Variants in CD86 observed in about 807,000 individuals in gnomAD.
The protein encoded by CD86 is T-lymphocyte activation antigen CD86.
In CD86, 11 loss-of-function variants were observed where a neutral mutation model predicts 32.1. The observed-to-expected ratio is 0.34, with a 90% CI of 0.22 to 0.57. The LOEUF (loss-of-function observed/expected upper bound fraction) is 0.57, where lower values mean the gene tolerates loss of function less well. Among genes scored for constraint, CD86 ranks in the 20% least tolerant of loss-of-function variants. The probability of loss-of-function intolerance (pLI) is 0.86; values close to 1 mark genes in which losing one functional copy is unlikely to be tolerated. For synonymous variants in CD86, 137 were observed against 135.3 expected (o/e 1.01, Z -0.09); for missense variants, 359 against 398.4 (o/e 0.90, Z 0.84).
Position 122,120,604 on chromosome 3 carries a change from T to C in CD86, c.*1070T>C, listed in dbSNP as rs2073329987. Reference sequence around the variant, plus strand: ...GATGTCATCTTCCTGGAAGCAGAGCTGGGGAGGGAGAGCCATCACCTTGAT... The same window carrying C: ...GATGTCATCTTCCTGGAAGCAGAGCCGGGGAGGGAGAGCCATCACCTTGAT... On this transcript the variant is annotated 3_prime_UTR_variant, in exon 7 of 7. Transcript: ENST00000330540. 1.3e-5 allele frequency: 2 copies of C among 152,158 alleles called. No individual in the cohort carries two copies. Among genetic ancestry groups the C allele is most frequent in the South Asian group, 4.1e-4 (2 of 4,828 alleles). The allele number at this position is 152,158 out of a possible 1,614,324, so 9.4% of individuals were successfully genotyped here.
chr3:122,087,507 C>T (rs2072743536), intron 1 of CD86, among the ~76,000 whole-genome samples: 1 of 152,158 alleles, frequency 6.6e-6, no homozygotes, highest in Non-Finnish European at 1.5e-5. Context: ...CCCTCGCACA[C>T]ACACATCACA....
Position 122,106,463 on chromosome 3 carries a change from T to G in CD86, c.666T>G (p.Thr222=), listed in dbSNP as rs761703906. 6.2e-7 allele frequency: 1 copy of G among 1,612,178 alleles called. No homozygotes were observed. Among genetic ancestry groups the G allele is most frequent in the Non-Finnish European group, 8.5e-7 (1 of 1,178,960 alleles). The change falls in exon 4 of 7, where the codon ACT becomes ACG. Residue 222 remains threonine, a synonymous_variant. Coordinates refer to ENST00000330540, the MANE Select transcript of CD86 (RefSeq NM_175862.5). ...TGACCATCTTCTGTATTCTGGAAACTGACAAGACGCGGCTTTTATCTTCAC... is the reference window on the plus strand; with the variant it reads ...TGACCATCTTCTGTATTCTGGAAACGGACAAGACGCGGCTTTTATCTTCAC... ...SNMTIFCILE[T]DKTRLLSSPF...
rs181113479 is a variant in CD86 at position 122,116,178 on chromosome 3, T to C, written c.848-1870T>C. ...TCATCAATATGGAAAACTTTTGTTC[T>C]TTGACTTTGTTTAAAAAACGAAAAG... On this transcript the variant is annotated intron_variant, in intron 5 of 6. Transcript: ENST00000330540. Among the ~76,000 whole-genome samples the C allele has an allele frequency of 3.1e-3, 479 of 152,352 alleles. 3 individuals carry two copies. Among genetic ancestry groups the C allele is most frequent in the Non-Finnish European group, 4.3e-3 (295 of 68,024 alleles).
intron 3 of CD86, among the ~76,000 whole-genome samples, chr3:122,104,292 T>C (rs2073056929): frequency 6.6e-6 from 1 of 152,166 alleles, no homozygotes; most frequent in Non-Finnish European, 1.5e-5. Flanking sequence ...CTGACACATT[T>C]GGGTTTTCCC....
intron 1 of CD86, chr3:122,077,972 G>T: frequency 1.0e-6 from 1 of 985,634 alleles, no homozygotes; most frequent in Non-Finnish European, 1.2e-6. Flanking sequence ...TTGCTTCTGT[G>T]TTCCTTGGGA....
intron 2 of CD86, among the ~76,000 whole-genome samples, chr3:122,102,525 C>T (rs1451864411): frequency 1.4e-5 from 2 of 145,388 alleles, no homozygotes; most frequent in African/African-American, 2.6e-5. Context: ...CCACATCCTT[C>T]CCACAAACCC....
At chr3:122,092,771 A>T (rs891355970) in intron 2 of CD86, among the ~76,000 whole-genome samples, 2 of 152,178 alleles carry the variant, frequency 1.3e-5, no homozygotes, top group Non-Finnish European at 2.9e-5. Context: ...CCCACAGGCC[A>T]CCAGCCATGA....
intron 5 of CD86, among the ~76,000 whole-genome samples, chr3:122,113,683 A>G (rs936330573): frequency 6.6e-6 from 1 of 152,152 alleles, no homozygotes; most frequent in African/African-American, 2.4e-5. Context: ...GTCCTTATAA[A>G]CACCATTATT....
intron 2 of CD86, among the ~76,000 whole-genome samples, chr3:122,101,513 A>AAATATATAT (rs1202377219): frequency 3.0e-4 from 14 of 46,332 alleles, no homozygotes; most frequent in African/African-American, 1.1e-3. Context: ...AAAAAAAAAA[A>AAATATATAT]ATATATATAT....
intron 2 of CD86, among the ~76,000 whole-genome samples, chr3:122,095,286 C>T (rs1332030214): frequency 6.6e-6 from 1 of 151,870 alleles, no homozygotes; most frequent in Non-Finnish European, 1.5e-5. Flanking sequence ...ATTCTCTTGC[C>T]TCAGCCTCCC....
At chr3:122,078,491 C>G (rs1410201682) in intron 1 of CD86, among the ~76,000 whole-genome samples, 1 of 152,184 alleles carries the variant, frequency 6.6e-6, no homozygotes, top group East Asian at 1.9e-4. Flanking sequence ...CTGCAATGGA[C>G]TTACTTGGCT....
chr3:122,056,805 T>C (rs1172625539), intron 1 of CD86, among the ~76,000 whole-genome samples: 1 of 152,180 alleles, frequency 6.6e-6, no homozygotes, highest in Non-Finnish European at 1.5e-5. Flanking sequence ...TATACTTGTA[T>C]GAAGAAAAAA....
intron 5 of CD86, among the ~76,000 whole-genome samples, chr3:122,116,208 A>G (rs559401689): frequency 1.3e-5 from 2 of 152,346 alleles, no homozygotes; most frequent in South Asian, 4.1e-4. Context: ...GAAAAGTCAA[A>G]CCACAGACAG....
intron 1 of CD86, among the ~76,000 whole-genome samples, chr3:122,057,973 G>A (rs2072264487): frequency 2.0e-5 from 3 of 152,186 alleles, no homozygotes; most frequent in Middle Eastern, 3.2e-3. Context: ...CAACTTCCTA[G>A]CTATGTGATT....
rs932577420 is a variant in CD86, at chr3:122,079,262, T to A, written c.15-12339T>A. 5.9e-5 allele frequency among the ~76,000 whole-genome samples: 9 copies of A among 152,338 alleles called. No individual in the cohort carries two copies. In the South Asian group the frequency reaches 1.4e-3, roughly 25 times the overall value. On this transcript the variant is annotated intron_variant, in intron 1 of 6. Transcript: ENST00000330540. ...TTTGGTTAGTCTATTCTTCTTGAATTTCATATGCCTCTTCCTGGGTGGGGG... is the reference window on the plus strand; with the variant it reads ...TTTGGTTAGTCTATTCTTCTTGAATATCATATGCCTCTTCCTGGGTGGGGG...
intron 2 of CD86, among the ~76,000 whole-genome samples, chr3:122,096,653 G>A (rs1260467694): frequency 2.0e-5 from 3 of 152,144 alleles, no homozygotes; most frequent in African/African-American, 4.8e-5. Context: ...TACCATTATT[G>A]TTCCTGCTTT....
At position 122,106,367 on chromosome 3, in the gene CD86, A is replaced by G. The variant is rs1189582341; in HGVS notation, c.570A>G (p.Gln190=). Residue 190 remains glutamine (Q), a synonymous_variant, in exon 4 of 7, where the codon CAA becomes CAG. Coordinates refer to ENST00000330540, the MANE Select transcript of CD86 (RefSeq NM_175862.5). ...IEYDGVMQKS[Q]DNVTELYDVS... ...ATGATGGTGTTATGCAGAAATCTCA[A>G]GATAATGTCACAGAACTGTACGACG... The G allele has an allele frequency of 6.2e-7, 1 of 1,614,188 alleles. No homozygotes were observed. Among genetic ancestry groups the G allele is most frequent in the East Asian group, 2.2e-5 (1 of 44,884 alleles).
chr3:122,104,276 G>A (rs758288472), intron 3 of CD86, among the ~76,000 whole-genome samples: 6 of 152,142 alleles, frequency 3.9e-5, no homozygotes, highest in South Asian at 4.2e-4. Flanking sequence ...CTAGCAAAGC[G>A]GACAGCTGAC....
rs113527548 is a variant in CD86 at position 122,103,421 on chromosome 3, G to A, written c.65-91G>A. On this transcript the variant is annotated intron_variant, in intron 2 of 6. Transcript: ENST00000330540. Reference sequence around the variant, plus strand: ...TATTCTTCAGCATGATTACTGATAAGATAGTATCTGGGTATTGTATAAAGA... The same window carrying A: ...TATTCTTCAGCATGATTACTGATAAAATAGTATCTGGGTATTGTATAAAGA... The A allele has an allele frequency of 1.0e-4, 78 of 780,448 alleles. No homozygotes were observed. The South Asian group carries it at 1.3e-3, about 13-fold the overall frequency. The allele number at this position is 780,448 out of a possible 1,614,324, so 48.3% of individuals were successfully genotyped here.
Sources: gnomAD v4.1 joint callset for allele counts (sites outside exome capture counted in the v4.1 genomes callset) on GRCh38, gnomAD v4.1.1 for gene constraint, MANE v1.5 for transcripts, NCBI Gene and HGNC (gene_info 2026-07-23, HGNC 2026-07-21) for gene names.